HFM1: variants seen among roughly 807,000 people sequenced by gnomAD.
HFM1 encodes helicase for meiosis 1.
In HFM1, 169 loss-of-function variants were observed where a neutral mutation model predicts 192.1. The observed-to-expected ratio is 0.88, with a 90% confidence interval of 0.78 to 1.00. HFM1 has a LOEUF of 1.00. Ranked by LOEUF, HFM1 falls within the 50% of genes least tolerant of loss-of-function variation. The probability of loss-of-function intolerance (pLI) is 0.00; values close to 1 mark genes in which losing one functional copy is unlikely to be tolerated. For synonymous variants in HFM1, 525 were observed against 537.8 expected (o/e 0.98, Z 0.33); for missense variants, 1,661 against 1,668.0 (o/e 1.00, Z 0.07).
chr1:91,342,151 ATTC>A (rs1655443838), intron 20 of HFM1, among the ~76,000 whole-genome samples: 1 of 111,830 alleles, frequency 8.9e-6, no homozygotes, highest in Non-Finnish European at 1.7e-5. Flanking sequence ...AAAAAAAAAA[ATTC>A]AGGCGAATAT....
chr1:91,263,613 G>C (rs1665378810), intron 36 of HFM1, among the ~76,000 whole-genome samples: 1 of 151,920 alleles, frequency 6.6e-6, no homozygotes, highest in South Asian at 2.1e-4. Context: ...CCCAGGCATA[G>C]TGGTGTGTAT....
At chr1:91,349,997 G>C (rs966500996) in intron 18 of HFM1, among the ~76,000 whole-genome samples, 1 of 152,182 alleles carries the variant, frequency 6.6e-6, no homozygotes, top group Non-Finnish European at 1.5e-5. Flanking sequence ...GAACAACTGT[G>C]TGGGTGGGGA....
At chr1:91,291,744 A>T (rs1668784475) in intron 30 of HFM1, among the ~76,000 whole-genome samples, 1 of 151,898 alleles carries the variant, frequency 6.6e-6, no homozygotes, top group African/African-American at 2.4e-5. Context: ...GCAGAGACAC[A>T]ACCAAAAAAG....
At chr1:91,358,079 A>T (rs1291589197) in intron 13 of HFM1, among the ~76,000 whole-genome samples, 1 of 152,174 alleles carries the variant, frequency 6.6e-6, no homozygotes, top group Non-Finnish European at 1.5e-5. Flanking sequence ...CTTCACAGAA[A>T]TAGAAGAAAA....
intron 20 of HFM1, among the ~76,000 whole-genome samples, chr1:91,342,787 T>C (rs951940890): frequency 6.6e-6 from 1 of 152,166 alleles, no homozygotes; most frequent in African/African-American, 2.4e-5. Context: ...AGATTATCAA[T>C]GGTTGAATAT....
At chr1:91,391,681 A>C (rs1362564157) in intron 4 of HFM1, among the ~76,000 whole-genome samples, 3 of 152,234 alleles carry the variant, frequency 2.0e-5, no homozygotes, top group Non-Finnish European at 4.4e-5. Flanking sequence ...CACTCAGGAC[A>C]TAGGCATGGG....
intron 2 of HFM1, among the ~76,000 whole-genome samples, chr1:91,400,543 G>A (rs187189169): frequency 2.9e-4 from 44 of 150,338 alleles, no homozygotes; most frequent in Middle Eastern, 3.4e-3. Context: ...GTGCAGTGGC[G>A]CCACCTTAGC....
At chr1:91,380,862 C>A in intron 7 of HFM1, 50 bp downstream of exon 7, 1 of 874,254 alleles carries the variant, frequency 1.1e-6, no homozygotes, top group South Asian at 1.4e-5. Context: ...ATCTAGTGAT[C>A]ATAACCTAGT....
intron 28 of HFM1, 55 bp from the exon 29 acceptor site, chr1:91,314,115 A>G: frequency 1.9e-6 from 2 of 1,037,316 alleles, no homozygotes; most frequent in Non-Finnish European, 2.9e-6. Flanking sequence ...AATACATATT[A>G]ATCTTGAAGG....
chr1:91,298,203 AT>A, intron 30 of HFM1, among the ~76,000 whole-genome samples: 1 of 152,350 alleles, frequency 6.6e-6, no homozygotes, highest in South Asian at 2.1e-4. Flanking sequence ...GGAAGATCAA[AT>A]TCATGAAATG....
Position 91,314,939 on chromosome 1 carries a change from G to A in HFM1, c.3140+876C>T, listed in dbSNP as rs985931999. ...CAGTCCCTTCAGAAACCTTGCATGC[G>A]ACTTTTTGGGAAGGTATCTTCCAGT... On this transcript the variant is annotated intron_variant, in intron 28 of 38. Transcript: ENST00000370425. 2.4e-4 allele frequency among the ~76,000 whole-genome samples: 36 copies of A among 152,130 alleles called. 1 individual carries two copies. Among genetic ancestry groups the A allele is most frequent in the African/African-American group, 8.7e-4 (36 of 41,428 alleles).
At position 91,375,647 on chromosome 1, in the gene HFM1, C is replaced by A. The variant is rs765858659; in HGVS notation, c.1476G>T (p.Gln492His). ...TGCAGGGAAATCCAAGGACCACTTT[C>A]TGAAGTTTCACTGGTCTATGGCTCT... ...MDESHRPVKL[Q>H]KVVLGFPCSS... Residue 492 changes from glutamine to histidine, a missense_variant, in exon 12 of 39, where the codon CAG becomes CAT. Transcript: ENST00000370425. 1.2e-6 allele frequency: 2 copies of A among 1,613,462 alleles called. No homozygotes were observed. Among genetic ancestry groups the A allele is most frequent in the Admixed American group, 3.3e-5 (2 of 59,926 alleles).
In HFM1 at chr1:91,401,777, C is replaced by T. The variant is rs147888905; in HGVS notation, c.-27-668G>A. Among the ~76,000 whole-genome samples the T allele has an allele frequency of 6.6e-3, 1,007 of 152,130 alleles. 13 individuals carry two copies. Among genetic ancestry groups the T allele is most frequent in the African/African-American group, 0.023 (937 of 41,520 alleles). The stretch of plus-strand genomic sequence containing the variant: ...TTATTTATATGAGTTAATGCATATA[C>T]TACACACGTTTACATTCTTTTTTAA... On this transcript the variant is annotated intron_variant, in intron 1 of 38. Transcript: ENST00000370425.
At chr1:91,372,605 A>T (rs1215158852) in intron 13 of HFM1, among the ~76,000 whole-genome samples, 1 of 152,110 alleles carries the variant, frequency 6.6e-6, no homozygotes, top group African/African-American at 2.4e-5. Flanking sequence ...GTGAATGGGG[A>T]GGGATAGCAT....
At chr1:91,274,283 T>TACGGGCC (rs1435416420) in intron 33 of HFM1, among the ~76,000 whole-genome samples, 1 of 151,980 alleles carries the variant, frequency 6.6e-6, no homozygotes, top group Non-Finnish European at 1.5e-5. Context: ...TACCTCATTT[T>TACGGGCC]ATGGGCCATG....
chr1:91,295,767 A>ACT (rs1379039318), intron 30 of HFM1, among the ~76,000 whole-genome samples: 15 of 152,052 alleles, frequency 9.9e-5, no homozygotes, highest in Non-Finnish European at 1.5e-4. Flanking sequence ...TATGGTTAGA[A>ACT]AGTTTTGTGC....
At chr1:91,263,637 C>A (rs1485311803) in intron 36 of HFM1, among the ~76,000 whole-genome samples, 3 of 151,998 alleles carry the variant, frequency 2.0e-5, no homozygotes, top group Admixed American at 2.0e-4. Context: ...CCTGTAGTCC[C>A]AGCTACTTGG....
At chr1:91,388,008 C>A (rs1328584613) in intron 4 of HFM1, among the ~76,000 whole-genome samples, 7 of 141,868 alleles carry the variant, frequency 4.9e-5, no homozygotes, top group Non-Finnish European at 1.1e-4. Context: ...GCCTAAACAA[C>A]AGGGTTCTGA....
At chr1:91,307,619 T>A (rs975542686) in intron 30 of HFM1, among the ~76,000 whole-genome samples, 1 of 151,718 alleles carries the variant, frequency 6.6e-6, no homozygotes, top group African/African-American at 2.4e-5. Flanking sequence ...CACTCACTAA[T>A]TTTTTTTAAC....
Sources: allele counts gnomAD v4.1 joint callset (sites outside exome capture counted in the v4.1 genomes callset), GRCh38; gene constraint gnomAD v4.1.1; transcripts MANE v1.5; gene names NCBI Gene and HGNC (gene_info 2026-07-23, HGNC 2026-07-21).